CUL1: variants seen among roughly 807,000 people sequenced by gnomAD.
CUL1 encodes the protein cullin 1, also known as cullin-1.
A neutral mutation model predicts 118.0 loss-of-function variants in CUL1; 24 were observed. That is an observed-to-expected ratio of 0.20 (90% CI 0.15 to 0.29). The LOEUF is 0.29. Among genes scored for constraint, CUL1 ranks in the 10% least tolerant of loss-of-function variants. The pLI, the probability that CUL1 is intolerant of heterozygous loss-of-function variation, is 1.00. For missense variants in CUL1, 361 were observed against 933.8 expected, an observed-to-expected ratio of 0.39 and a Z score of 7.99; for synonymous variants, 332 against 340.4, an observed-to-expected ratio of 0.98 and a Z score of 0.27.
intron 17 of CUL1, among the ~76,000 whole-genome samples, chr7:148,796,154 A>C (rs1479570111): frequency 6.6e-6 from 1 of 152,196 alleles, no homozygotes; most frequent in African/African-American, 2.4e-5. Flanking sequence ...ATCAGACTAA[A>C]GAGGTTCCCT....
rs766903949 is a variant in CUL1, at chr7:148,800,109, G to A, written c.2251-393G>A. ...TTACATTTGGCACAGGTGCCAGTTC[G>A]TTCATGGCTGTTCAGGGAGTTCCCC... On this transcript the variant is annotated intron_variant, in intron 21 of 21. Coordinates refer to ENST00000325222, the MANE Select transcript of CUL1 (RefSeq NM_003592.3). This position sits in a 1 kb window ranked among gnomAD's most constrained non-coding sequence, Gnocchi z 4.6. 4.6e-5 allele frequency among the ~76,000 whole-genome samples: 7 copies of A among 152,192 alleles called. No individual in the cohort carries two copies. The highest frequency in any genetic ancestry group is 1.7e-4 in the African/African-American group (7 of 41,440).
chr7:148,711,684 T>C (rs773491060), intron 1 of CUL1, among the ~76,000 whole-genome samples: 41 of 152,104 alleles, frequency 2.7e-4, no homozygotes, highest in Middle Eastern at 3.2e-3. Flanking sequence ...GAAAGAAAAA[T>C]AATAGAAAGG....
intron 1 of CUL1, among the ~76,000 whole-genome samples, chr7:148,714,235 G>A (rs1037579225): frequency 7.2e-5 from 11 of 152,234 alleles, no homozygotes; most frequent in South Asian, 2.1e-4. Context: ...ATATATGTAC[G>A]CTGCACATCA....
chr7:148,725,219 G>GCGCACGCGCGCACACACA, intron 1 of CUL1, among the ~76,000 whole-genome samples: 1 of 140,058 alleles, frequency 7.1e-6, no homozygotes, highest in African/African-American at 2.8e-5. Flanking sequence ...ACACGCGCGC[G>GCGCACGCGCGCACACACA]CTCACACACA....
intron 1 of CUL1, among the ~76,000 whole-genome samples, chr7:148,700,219 A>G (rs1208447905): frequency 1.3e-5 from 2 of 152,146 alleles, no homozygotes; most frequent in African/African-American, 2.4e-5. Context: ...TAAAATCGTC[A>G]AAAGTTCTGA....
intron 2 of CUL1, among the ~76,000 whole-genome samples, chr7:148,731,776 CAT>C (rs1475956585): frequency 6.6e-6 from 1 of 152,214 alleles, no homozygotes; most frequent in African/African-American, 2.4e-5. Context: ...TACATGGAGT[CAT>C]ATGATCTGTG....
intron 1 of CUL1, among the ~76,000 whole-genome samples, chr7:148,710,215 G>T (rs948599357): frequency 4.6e-5 from 7 of 152,172 alleles, no homozygotes; most frequent in African/African-American, 1.7e-4. Context: ...AGACCATGAG[G>T]GAAATTGACT....
intron 9 of CUL1, among the ~76,000 whole-genome samples, chr7:148,768,067 A>C (rs148156938): frequency 0.011 from 1,694 of 152,164 alleles, 16 homozygotes; most frequent in Middle Eastern, 0.017. Flanking sequence ...GGAAGCTGTT[A>C]CTTTGCCACT....
intron 2 of CUL1, among the ~76,000 whole-genome samples, chr7:148,742,637 C>G (rs1799183537): frequency 7.8e-6 from 1 of 128,748 alleles, no homozygotes; most frequent in Admixed American, 9.2e-5. Context: ...CTCACTCACT[C>G]TGTTGCCCAG....
At chr7:148,736,196 T>G (rs527820774) in intron 2 of CUL1, among the ~76,000 whole-genome samples, 16 of 152,208 alleles carry the variant, frequency 1.1e-4, no homozygotes, top group Admixed American at 9.8e-4. Flanking sequence ...TGACAAACAT[T>G]GTTAAGAAAT....
At chr7:148,771,532 T>C (rs1316089597) in intron 9 of CUL1, among the ~76,000 whole-genome samples, 4 of 151,534 alleles carry the variant, frequency 2.6e-5, no homozygotes, top group Non-Finnish European at 4.4e-5. Context: ...AACCTCGGAG[T>C]GGGGAGGGGA....
At chr7:148,751,163 C>T (rs563597355) in intron 2 of CUL1, among the ~76,000 whole-genome samples, 9 of 152,212 alleles carry the variant, frequency 5.9e-5, no homozygotes, top group African/African-American at 2.2e-4. Flanking sequence ...GTTAAACCCA[C>T]CACTTTGGGA....
chr7:148,729,172 G>C (rs1330162353), intron 1 of CUL1, among the ~76,000 whole-genome samples: 1 of 152,092 alleles, frequency 6.6e-6, no homozygotes, highest in African/African-American at 2.4e-5. Flanking sequence ...TATTGTATTT[G>C]TCATTATCTT....
At chr7:148,780,361 CTCTT>C (rs1409991584) in intron 9 of CUL1, among the ~76,000 whole-genome samples, 6 of 152,222 alleles carry the variant, frequency 3.9e-5, no homozygotes, top group African/African-American at 1.4e-4. Context: ...AGTTTTACTA[CTCTT>C]TCTAATTGTG....
chr7:148,799,498 TTGTA>T, intron 21 of CUL1, 110 bp downstream of exon 21: 1 of 688,190 alleles, frequency 1.5e-6, no homozygotes, highest in Middle Eastern at 2.8e-4. Flanking sequence ...GCTGGCTTCT[TTGTA>T]TGTAGATTTC....
intron 17 of CUL1, among the ~76,000 whole-genome samples, chr7:148,797,502 C>G (rs556035521): frequency 5.9e-5 from 9 of 151,930 alleles, no homozygotes; most frequent in African/African-American, 1.9e-4. Flanking sequence ...CCAAACACTT[C>G]TAGTCCCAGG....
intron 17 of CUL1, among the ~76,000 whole-genome samples, chr7:148,797,069 G>A (rs1167128873): frequency 6.6e-6 from 1 of 152,126 alleles, no homozygotes; most frequent in Non-Finnish European, 1.5e-5. Flanking sequence ...AGGAGGGCTG[G>A]GAAGCGTTTA....
intron 1 of CUL1, among the ~76,000 whole-genome samples, chr7:148,706,636 T>C (rs930446193): frequency 3.7e-5 from 5 of 136,288 alleles, no homozygotes; most frequent in African/African-American, 1.1e-4. Context: ...ATGTTCTATA[T>C]ATAGGGGACT....
intron 1 of CUL1, among the ~76,000 whole-genome samples, chr7:148,710,424 C>G (rs1224335743): frequency 1.3e-5 from 2 of 152,062 alleles, no homozygotes; most frequent in Non-Finnish European, 2.9e-5. Context: ...ACAAAATTAG[C>G]CAGGCATGGT....
Sources: allele counts gnomAD v4.1 joint callset (sites outside exome capture counted in the v4.1 genomes callset), GRCh38; gene constraint gnomAD v4.1.1; non-coding constraint Gnocchi (gnomAD v3.1); transcripts MANE v1.5; gene names NCBI Gene and HGNC (gene_info 2026-07-23, HGNC 2026-07-21).